Variants in CREBBP observed in about 807,000 individuals in gnomAD.
The protein encoded by CREBBP is CREB-binding protein.
In CREBBP, 19 loss-of-function variants were observed where a neutral mutation model predicts 265.0. The ratio of observed to expected loss-of-function variants is 0.07; its 90% CI spans 0.05 to 0.11. The LOEUF is 0.11. CREBBP is among the 10% of genes least tolerant of loss of function. The pLI is 1.00. For missense variants in CREBBP, 2,525 were observed against 3,219.0 expected, an observed-to-expected ratio of 0.78 and a Z score of 5.22; for synonymous variants, 1,457 against 1,223.7, an observed-to-expected ratio of 1.19 and a Z score of -3.98.
At chr16:3,839,175 A>G (rs2054515632) in intron 2 of CREBBP, among the ~76,000 whole-genome samples, 1 of 152,218 alleles carries the variant, frequency 6.6e-6, no homozygotes, top group African/African-American at 2.4e-5. Flanking sequence ...TAAGTTTCCC[A>G]TAGCTAATAA....
rs530405929 is a variant in CREBBP at position 3,837,917 on chromosome 16, A to G, written c.798+12380T>C. Among the ~76,000 whole-genome samples, 4 of 152,184 alleles carry G rather than the reference A, an allele frequency of 2.6e-5. No homozygotes were observed. The South Asian group carries it at 8.3e-4, about 32-fold the overall frequency. On this transcript the variant is annotated intron_variant, in intron 2 of 30. Transcript: ENST00000262367. ...TTCTCAGCTGTCACATTCACTCACC[A>G]CTCATTCACTCATCCACAGCAACTT...
chr16:3,728,514 T>G lies in CREBBP; in HGVS notation c.6533A>C (p.His2178Pro), dbSNP rs2051813995. The G allele has an allele frequency of 6.2e-7, 1 of 1,614,060 alleles. No homozygotes were observed. Among genetic ancestry groups the G allele is most frequent in the Non-Finnish European group, 8.5e-7 (1 of 1,180,000 alleles). ...GQALNIMNPG[H>P]NPNMASMNPQ... Reference sequence around the variant, plus strand: ...ATTCATACTCGCCATGTTGGGGTTGTGTCCTGGGTTCATGATGTTCAAGGC... The same window carrying G: ...ATTCATACTCGCCATGTTGGGGTTGGGTCCTGGGTTCATGATGTTCAAGGC... The change falls in exon 31 of 31, where the codon CAC becomes CCC. Residue 2178 changes from histidine to proline, a missense_variant. Transcript: ENST00000262367. The surrounding 1 kb of genome is among the most constrained non-coding windows in gnomAD (Gnocchi z 8.7).
In CREBBP at chr16:3,852,168, T is replaced by TG. The variant is rs1194208523; in HGVS notation, c.86-1160_86-1159insC. On this transcript the variant is annotated intron_variant, in intron 1 of 30. Coordinates refer to ENST00000262367, the MANE Select transcript of CREBBP (RefSeq NM_004380.3). Reference sequence around the variant, plus strand: ...CCAATCTTAAATTTGTTTTTTTTTTTTTTTTTTTTTTTTTGAGACAGAGTC... The same window carrying TG: ...CCAATCTTAAATTTGTTTTTTTTTTTGTTTTTTTTTTTTTTGAGACAGAGTC... 5.4e-5 allele frequency among the ~76,000 whole-genome samples: 6 copies of TG among 111,816 alleles called. No individual in the cohort carries two copies. The East Asian group carries it at 9.9e-4, about 18-fold the overall frequency. 73.4% of individuals were successfully genotyped at this position (111,816 alleles called of 152,430 possible).
At chr16:3,847,318 C>T (rs1366375259) in intron 2 of CREBBP, among the ~76,000 whole-genome samples, 1 of 152,076 alleles carries the variant, frequency 6.6e-6, no homozygotes, top group Non-Finnish European at 1.5e-5. Context: ...CCTGTGTAAT[C>T]GTTCTTAAAA....
In CREBBP at chr16:3,728,436, T is replaced by A; in HGVS notation, c.6611A>T (p.Gln2204Leu). Reference protein sequence around the residue: ...RRQLLQQQQQQQQQQQQQQQQ... With the variant: ...RRQLLQQQQQLQQQQQQQQQQ... ...CTGTTGCTGCTGTTGTTGCTGCTGC[T>A]GTTGCTGCTGCTGCTGCAGCAGCTG... Residue 2204 changes from glutamine to leucine, a missense_variant, in exon 31 of 31, where the codon CAG becomes CTG. Gln to Leu is a moderately radical substitution (Grantham distance 113). Around this residue, in one of 19 missense-constraint regions of CREBBP, gnomAD observed 473 missense variants for 459.3 expected, o/e 1.03. Transcript: ENST00000262367. The surrounding 1 kb of genome is among the most constrained non-coding windows in gnomAD (Gnocchi z 8.7). 1 of 1,612,148 alleles carries A rather than the reference T, an allele frequency of 6.2e-7. No individual in the cohort carries two copies. The highest frequency in any genetic ancestry group is 8.5e-7 in the Non-Finnish European group (1 of 1,179,664).
Position 3,736,272 on chromosome 16 carries a change from C to T in CREBBP, c.4561-69G>A, listed in dbSNP as rs556453144. The T allele has an allele frequency of 2.1e-4, 313 of 1,510,324 alleles. 1 individual carries two copies. The African/African-American group carries it at 3.7e-3, about 18-fold the overall frequency. The allele number at this position is 1,510,324 out of a possible 1,614,324, so 93.6% of individuals were successfully genotyped here. ...GTGCCCCCCACCATGGTGCGACAGA[C>T]CCCCACGCAAGCGTGCCCCTCACCA... is the stretch of plus-strand genomic sequence containing the variant. On this transcript the variant is annotated intron_variant, in intron 27 of 30. Coordinates refer to ENST00000262367, the MANE Select transcript of CREBBP (RefSeq NM_004380.3).
In CREBBP at chr16:3,880,387, C is replaced by T. The variant is rs2055507425; in HGVS notation, c.-471G>A. 1 of 144,208 alleles carries T rather than the reference C, an allele frequency of 6.9e-6. No individual in the cohort carries two copies. The highest frequency in any genetic ancestry group is 1.5e-5 in the Non-Finnish European group (1 of 64,760). 8.9% of individuals were successfully genotyped at this position (144,208 alleles called of 1,614,324 possible). ...CCGACGACGAGGGGGCTCCGGGCTC[C>T]GCTCCCGGCCCGCGGCCCGCCGCCG... On this transcript the variant is annotated 5_prime_UTR_variant, in exon 1 of 31. Coordinates refer to ENST00000262367, the MANE Select transcript of CREBBP (RefSeq NM_004380.3).
At chr16:3,835,494 T>C (rs538765830) in intron 2 of CREBBP, among the ~76,000 whole-genome samples, 2 of 152,130 alleles carry the variant, frequency 1.3e-5, no homozygotes, top group South Asian at 2.1e-4. Flanking sequence ...GTGAATTTCG[T>C]TGCTAGTTAT....
At chr16:3,787,800 C>T (rs777347928) in intron 5 of CREBBP, among the ~76,000 whole-genome samples, 1 of 151,956 alleles carries the variant, frequency 6.6e-6, no homozygotes, top group Non-Finnish European at 1.5e-5. Flanking sequence ...CTCAGGATAC[C>T]GAGTAGCTGG....
rs370078227 is a variant in CREBBP, at chr16:3,778,846, CT to C, written c.1824-30del. 1.9e-3 allele frequency: 2,781 copies of C among 1,495,962 alleles called. 9 individuals are homozygous for C. The highest frequency in any genetic ancestry group is 0.018 in the African/African-American group (1,323 of 71,946). 92.7% of individuals were successfully genotyped at this position (1,495,962 alleles called of 1,614,324 possible). Reference sequence around the variant, plus strand: ...AAAGGATAACACATCTATCAAACTACTTTTTTTTTTCTTCTTTTTTTTAAAG... The same window carrying C: ...AAAGGATAACACATCTATCAAACTACTTTTTTTTTCTTCTTTTTTTTAAAG... On this transcript the variant is annotated intron_variant, in intron 8 of 30. Coordinates refer to ENST00000262367, the MANE Select transcript of CREBBP (RefSeq NM_004380.3).
In CREBBP at chr16:3,757,834, G is replaced by T; in HGVS notation, c.3584C>A (p.Ser1195Tyr). ...FEQEIDPVMQ[S>Y]LGYCCGRKYE... ...CTTGCGTCCACAGCAATATCCAAGG[G>T]ACTGCATGACAGGGTCAATTTCCTG... Residue 1195 changes from serine to tyrosine, a missense_variant, in exon 18 of 31, where the codon TCC (serine) becomes TAC (tyrosine). Ser to Tyr is a moderately radical substitution (Grantham distance 144, BLOSUM62 -2). This residue lies in a region of CREBBP where 252 missense variants were observed against 452.5 expected (regional missense o/e 0.56). Transcript: ENST00000262367. 6.2e-7 allele frequency: 1 copy of T among 1,614,110 alleles called. No homozygotes were observed. The highest frequency in any genetic ancestry group is 1.1e-5 in the South Asian group (1 of 91,068).
intron 30 of CREBBP, among the ~76,000 whole-genome samples, 179 bp from the exon 31 acceptor site, chr16:3,730,053 G>A (rs866194371): frequency 2.6e-5 from 4 of 152,134 alleles, no homozygotes; most frequent in African/African-American, 9.7e-5. Flanking sequence ...CGGGAGCACG[G>A]ACAAGATGGG....
intron 21 of CREBBP, among the ~76,000 whole-genome samples, chr16:3,747,232 T>C (rs2052363322): frequency 6.6e-6 from 1 of 152,228 alleles, no homozygotes; most frequent in Non-Finnish European, 1.5e-5. Context: ...AGACCAAAGA[T>C]GACCCTCTTA....
intron 1 of CREBBP, among the ~76,000 whole-genome samples, chr16:3,858,218 TAA>T (rs2055002975): frequency 6.6e-6 from 1 of 152,232 alleles, no homozygotes; most frequent in Admixed American, 6.5e-5. Context: ...GGTGGGTGGC[TAA>T]ATCAATCTGT....
intron 19 of CREBBP, 150 bp downstream of exon 19, chr16:3,757,138 T>C (rs2052604705): frequency 5.7e-6 from 4 of 699,758 alleles, no homozygotes; most frequent in Admixed American, 4.2e-5. Flanking sequence ...CCTCCCAAAG[T>C]GCTGGGATTA....
chr16:3,815,949 CAG>C (rs1325467234), intron 2 of CREBBP, among the ~76,000 whole-genome samples: 1 of 151,836 alleles, frequency 6.6e-6, no homozygotes, highest in Non-Finnish European at 1.5e-5. Context: ...AAAAGCAGAA[CAG>C]AGAATAGGCA....
intron 13 of CREBBP, among the ~76,000 whole-genome samples, chr16:3,773,221 A>G (rs2053057922): frequency 6.6e-6 from 1 of 152,214 alleles, no homozygotes. Context: ...AGAGGAAAAA[A>G]GGAAGGAATA....
chr16:3,821,142 T>C (rs924373576), intron 2 of CREBBP, among the ~76,000 whole-genome samples: 1 of 152,250 alleles, frequency 6.6e-6, no homozygotes, highest in Non-Finnish European at 1.5e-5. Context: ...ATCTATAAAA[T>C]AGGAAGCATT....
At chr16:3,803,724 C>A (rs1470595912) in intron 3 of CREBBP, among the ~76,000 whole-genome samples, 1 of 152,030 alleles carries the variant, frequency 6.6e-6, no homozygotes, top group Non-Finnish European at 1.5e-5. Flanking sequence ...CCCACAGCCA[C>A]AGCCTTCAGA....
Sources: gnomAD v4.1 joint callset for allele counts (sites outside exome capture counted in the v4.1 genomes callset) on GRCh38, gnomAD v4.1.1 for gene constraint, gnomAD v4.1.1 regional missense constraint, Gnocchi (gnomAD v3.1) non-coding constraint, MANE v1.5 for transcripts, NCBI Gene and HGNC (gene_info 2026-07-23, HGNC 2026-07-21) for gene names.